C10orf143: variants seen among roughly 807,000 people sequenced by gnomAD.
C10orf143 encodes the protein chromosome 10 open reading frame 143.
chr10:130,083,441 A>G (rs183268299), intron 1 of C10orf143, among the ~76,000 whole-genome samples: 2 of 152,324 alleles, frequency 1.3e-5, no homozygotes, highest in Admixed American at 6.5e-5. Context: ...TATGGGAAAA[A>G]AGCACATTTG....
intron 3 of C10orf143, 26 bp from the exon 4 acceptor site, chr10:130,064,409 G>A (rs773660258): frequency 4.8e-5 from 19 of 398,384 alleles, no homozygotes; most frequent in African/African-American, 3.5e-4. Flanking sequence ...AGCACATTGC[G>A]GGAATTAATT....
chr10:130,083,785 G>A (rs1053264611), intron 1 of C10orf143, among the ~76,000 whole-genome samples: 1 of 152,168 alleles, frequency 6.6e-6, no homozygotes, highest in Non-Finnish European at 1.5e-5. Flanking sequence ...GAGTGGATAG[G>A]AAAGGGCTGG....
intron 3 of C10orf143, among the ~76,000 whole-genome samples, chr10:130,049,408 G>A (rs996022291): frequency 6.6e-6 from 1 of 152,202 alleles, no homozygotes; most frequent in Non-Finnish European, 1.5e-5. Flanking sequence ...CTGATTCCAA[G>A]TGGAAAACAT....
At chr10:130,035,213 T>C (rs1446454445) in intron 4 of C10orf143, among the ~76,000 whole-genome samples, 1 of 152,134 alleles carries the variant, frequency 6.6e-6, no homozygotes, top group Non-Finnish European at 1.5e-5. Context: ...TGGTTTCCTC[T>C]GAGGTCCCTC....
At chr10:130,085,798 T>C (rs945880962) in intron 1 of C10orf143, among the ~76,000 whole-genome samples, 5 of 150,718 alleles carry the variant, frequency 3.3e-5, no homozygotes, top group African/African-American at 9.7e-5. Flanking sequence ...AAAAAAAATA[T>C]CTTGCATCCC....
intron 1 of C10orf143, among the ~76,000 whole-genome samples, 170 bp downstream of exon 1, chr10:130,110,534 G>A (rs901759809): frequency 1.6e-4 from 23 of 140,946 alleles, no homozygotes; most frequent in African/African-American, 7.0e-4. Flanking sequence ...GCCCTAACAG[G>A]CCACGCCCAT....
chr10:130,064,462 C>A, intron 3 of C10orf143, 79 bp from the exon 4 acceptor site: 1 of 397,480 alleles, frequency 2.5e-6, no homozygotes, highest in Non-Finnish European at 4.4e-6. Flanking sequence ...TATACATTTG[C>A]CAACACAAAG....
intron 3 of C10orf143, among the ~76,000 whole-genome samples, chr10:130,041,354 CAG>C (rs1219005594): frequency 6.6e-6 from 1 of 152,158 alleles, no homozygotes; most frequent in Non-Finnish European, 1.5e-5. Context: ...AATCTAAGCT[CAG>C]AGTCAGTACC....
At chr10:130,080,466 T>TA (rs1032436454) in intron 1 of C10orf143, among the ~76,000 whole-genome samples, 1 of 152,144 alleles carries the variant, frequency 6.6e-6, no homozygotes, top group African/African-American at 2.4e-5. Flanking sequence ...CCTGTAATGC[T>TA]AAAGAAAAAA....
chr10:130,084,366 G>A (rs1004805162), intron 1 of C10orf143, among the ~76,000 whole-genome samples: 3 of 151,982 alleles, frequency 2.0e-5, no homozygotes, highest in African/African-American at 7.2e-5. Flanking sequence ...AAATAAAGAC[G>A]ACAAAAAGCA....
chr10:130,109,162 A>C (rs750361462), intron 1 of C10orf143, among the ~76,000 whole-genome samples: 5 of 152,006 alleles, frequency 3.3e-5, no homozygotes, highest in Non-Finnish European at 7.4e-5. Flanking sequence ...TTCTCCTCTG[A>C]CACACTACTG....
intron 1 of C10orf143, among the ~76,000 whole-genome samples, chr10:130,092,068 CACAAAGAT>C (rs1861391312): frequency 6.6e-6 from 1 of 152,114 alleles, no homozygotes; most frequent in Non-Finnish European, 1.5e-5. Flanking sequence ...CAGAGAACAC[CACAAAGAT>C]ACTCCTTGAG....
intron 3 of C10orf143, among the ~76,000 whole-genome samples, chr10:130,072,448 T>A (rs1861048203): frequency 6.6e-6 from 1 of 152,252 alleles, no homozygotes; most frequent in South Asian, 2.1e-4. Flanking sequence ...TCCATCTTTT[T>A]ATCTCTCTTG....
Position 130,037,816 on chromosome 10 carries a change from G to A in C10orf143, c.298-1846C>T, listed in dbSNP as rs188756757. On this transcript the variant is annotated intron_variant and NMD_transcript_variant, in intron 3 of 5. Transcript: ENST00000643056. ...CATGAAGTGTCCTTCTGGGGGGTCC[G>A]GATCTTCAAATATGAGGGGAAGACC... 9.3e-4 allele frequency among the ~76,000 whole-genome samples: 141 copies of A among 152,246 alleles called. 2 individuals carry two copies. In the East Asian group the frequency reaches 0.021, roughly 22 times the overall value.
Position 130,108,307 on chromosome 10 carries a change from G to A in C10orf143, c.69+2397C>T, listed in dbSNP as rs769261318. 27 of 1,562,264 alleles carry A rather than the reference G, an allele frequency of 1.7e-5. 1 individual carries two copies. The highest frequency in any genetic ancestry group is 1.0e-4 in the South Asian group (9 of 90,028). On this transcript the variant is annotated intron_variant, in intron 1 of 3. Transcript: ENST00000637128. ...TTGCAATGAGAAATGTCTATCCACC[G>A]AGGGGTTTTCCTCCTTACCCTCCCC...
At chr10:130,067,713 TG>T (rs1351383735) in intron 3 of C10orf143, 2 of 152,206 alleles carry the variant, frequency 1.3e-5, no homozygotes, top group Non-Finnish European at 2.9e-5. Context: ...TTTACCAGCA[TG>T]CATCTTTGTA....
intron 1 of C10orf143, chr10:130,107,256 G>C (rs1303639551): frequency 1.6e-6 from 2 of 1,215,016 alleles, no homozygotes; most frequent in Non-Finnish European, 2.5e-6. Context: ...GAGGAAAATA[G>C]CCGGTTAGAG....
At chr10:130,042,824 G>A (rs1860622939) in intron 3 of C10orf143, among the ~76,000 whole-genome samples, 2 of 152,318 alleles carry the variant, frequency 1.3e-5, no homozygotes, top group South Asian at 4.1e-4. Context: ...GGCCGTCACG[G>A]CTTGGAGGAA....
At chr10:130,071,119 A>G (rs1490880992) in intron 3 of C10orf143, among the ~76,000 whole-genome samples, 1 of 152,146 alleles carries the variant, frequency 6.6e-6, no homozygotes, top group Non-Finnish European at 1.5e-5. Context: ...AGGTTTCACC[A>G]TATTGGCCAG....
Sources: allele counts gnomAD v4.1 joint callset (sites outside exome capture counted in the v4.1 genomes callset), GRCh38; gene constraint gnomAD v4.1.1; transcripts MANE v1.5; gene names NCBI Gene and HGNC (gene_info 2026-07-23, HGNC 2026-07-21).